The following NELL2 variants were observed in gnomAD, a reference collection of about 807,000 sequenced individuals.
NELL2 encodes the protein neural EGFL like 2.
A neutral mutation model predicts 109.6 loss-of-function variants in NELL2; 41 were observed. The ratio of observed to expected loss-of-function variants is 0.37; its 90% CI spans 0.29 to 0.49. The LOEUF (loss-of-function observed/expected upper bound fraction) is 0.49. NELL2 is among the 20% of genes least tolerant of loss of function. The probability of loss-of-function intolerance (pLI) is 0.98; values close to 1 mark genes in which losing one functional copy is unlikely to be tolerated. For synonymous variants in NELL2, 355 were observed against 344.7 expected, an observed-to-expected ratio of 1.03 and a Z score of -0.33; for missense variants, 900 against 1,008.3, an observed-to-expected ratio of 0.89 and a Z score of 1.45.
intron 1 of NELL2, among the ~76,000 whole-genome samples, chr12:44,910,840 T>C (rs386425): frequency 0.024 from 3,690 of 151,988 alleles, 162 homozygotes; most frequent in African/African-American, 0.084. Flanking sequence ...TAATCCTTTT[T>C]TCTTTAAAAA....
At chr12:44,910,791 C>A (rs1303677287) in intron 1 of NELL2, among the ~76,000 whole-genome samples, 2 of 151,824 alleles carry the variant, frequency 1.3e-5, no homozygotes, top group Non-Finnish European at 2.9e-5. Flanking sequence ...AAGAACAAGA[C>A]CATGTTCTTC....
At chr12:44,859,769 G>A (rs914494829) in intron 2 of NELL2, among the ~76,000 whole-genome samples, 2 of 152,192 alleles carry the variant, frequency 1.3e-5, no homozygotes, top group Admixed American at 6.5e-5. Context: ...CATTTCAGCT[G>A]TTACCCAGAG....
At chr12:44,632,641 A>T (rs1438318420) in intron 13 of NELL2, among the ~76,000 whole-genome samples, 1 of 152,096 alleles carries the variant, frequency 6.6e-6, no homozygotes, top group Non-Finnish European at 1.5e-5. Context: ...GCCAAAAAAA[A>T]TCAGATTAAT....
chr12:44,767,471 C>T (rs1047276767), intron 9 of NELL2, among the ~76,000 whole-genome samples: 1 of 152,090 alleles, frequency 6.6e-6, no homozygotes, highest in Non-Finnish European at 1.5e-5. Context: ...TTGGCAAAAG[C>T]TGGCAATATT....
In NELL2 at chr12:44,590,473, C is replaced by A. The variant is rs11182547; in HGVS notation, c.1663+16696G>T. Among the ~76,000 whole-genome samples the A allele has an allele frequency of 1.1e-3, 175 of 152,192 alleles. 2 individuals are homozygous for A. In the East Asian group the frequency reaches 0.029, roughly 25 times the overall value. Reference sequence around the variant, plus strand: ...TCCTGCTGAAGGTAATAAATGCTTACGTTTTCAACAGATTTTTTAAAGCAG... The same window carrying A: ...TCCTGCTGAAGGTAATAAATGCTTAAGTTTTCAACAGATTTTTTAAAGCAG... On this transcript the variant is annotated intron_variant, in intron 15 of 19. Transcript: ENST00000429094.
At chr12:44,664,339 C>T (rs1947850565) in intron 13 of NELL2, among the ~76,000 whole-genome samples, 1 of 152,056 alleles carries the variant, frequency 6.6e-6, no homozygotes, top group African/African-American at 2.4e-5. Flanking sequence ...CTTCTACCTC[C>T]AGGATATCTT....
chr12:44,605,179 TG>T (rs1945354201), intron 15 of NELL2, among the ~76,000 whole-genome samples: 1 of 152,158 alleles, frequency 6.6e-6, no homozygotes, highest in Admixed American at 6.6e-5. Flanking sequence ...GATAAAAGCC[TG>T]GATTTGGGAG....
intron 9 of NELL2, among the ~76,000 whole-genome samples, chr12:44,750,469 CA>C (rs780713601): frequency 6.6e-6 from 1 of 151,988 alleles, no homozygotes; most frequent in Non-Finnish European, 1.5e-5. Flanking sequence ...TTATGTAAAG[CA>C]AGCAAAATGA....
chr12:44,540,795 A>AAAAAAAAAAAAAAAAAAAAAC (rs1942522693), intron 15 of NELL2, among the ~76,000 whole-genome samples: 3 of 150,268 alleles, frequency 2.0e-5, no homozygotes, highest in Non-Finnish European at 4.4e-5. Context: ...AAAAAAAAAA[A>AAAAAAAAAAAAAAAAAAAAAC]AAAGCCCATC....
intron 2 of NELL2, among the ~76,000 whole-genome samples, chr12:44,857,259 A>G (rs1166616473): frequency 6.6e-6 from 1 of 152,206 alleles, no homozygotes. Context: ...TTTTCCCTAG[A>G]GAACCTACAT....
chr12:44,693,881 T>G (rs912104419), intron 12 of NELL2, among the ~76,000 whole-genome samples: 1 of 152,144 alleles, frequency 6.6e-6, no homozygotes, highest in African/African-American at 2.4e-5. Flanking sequence ...TACACAGATG[T>G]TCCTCAAAGC....
chr12:44,918,324 C>G (rs1945843721), upstream of NELL2, among the ~76,000 whole-genome samples: 1 of 152,208 alleles, frequency 6.6e-6, no homozygotes, highest in South Asian at 2.1e-4. Flanking sequence ...ATGATCCTCT[C>G]TTTAACCATC....
Position 44,617,555 on chromosome 12 carries a change from A to G in NELL2, c.1445-6585T>C, listed in dbSNP as rs544093954. ...ACACACAAAAAAATTAGCCGGGCGT[A>G]GTGGCGGGCGCCTGTAGTCCCAGCT... On this transcript the variant is annotated intron_variant, in intron 13 of 19. Coordinates refer to ENST00000429094, the MANE Select transcript of NELL2 (RefSeq NM_001145108.2). 8.3e-3 allele frequency among the ~76,000 whole-genome samples: 1,121 copies of G among 134,636 alleles called. 264 individuals are homozygous for G. Among genetic ancestry groups the G allele is most frequent in the African/African-American group, 0.036 (1,061 of 29,670 alleles). 88.3% of individuals were successfully genotyped at this position (134,636 alleles called of 152,430 possible).
chr12:44,821,963 A>G (rs1284500303), intron 2 of NELL2, among the ~76,000 whole-genome samples: 2 of 151,404 alleles, frequency 1.3e-5, no homozygotes, highest in Non-Finnish European at 2.9e-5. Flanking sequence ...CAGTGGTTTC[A>G]CCATGTTGGC....
chr12:44,744,258 C>A (rs1017342312), intron 9 of NELL2, among the ~76,000 whole-genome samples: 6 of 152,006 alleles, frequency 3.9e-5, no homozygotes, highest in African/African-American at 7.2e-5. Context: ...CCAACGAGAA[C>A]AAAGACACAA....
intron 15 of NELL2, among the ~76,000 whole-genome samples, chr12:44,595,593 A>ATTTTTTT (rs57566164): frequency 1.6e-5 from 2 of 121,324 alleles, no homozygotes; most frequent in Non-Finnish European, 1.7e-5. Context: ...CACCCAGCTA[A>ATTTTTTT]TTTTTTTTTT....
chr12:44,677,153 C>G (rs187997085), intron 12 of NELL2, among the ~76,000 whole-genome samples: 1 of 151,880 alleles, frequency 6.6e-6, no homozygotes, highest in Non-Finnish European at 1.5e-5. Context: ...AGACTATATG[C>G]GAAGAATGTT....
At chr12:44,852,866 C>A (rs765255833) in intron 2 of NELL2, among the ~76,000 whole-genome samples, 7 of 152,166 alleles carry the variant, frequency 4.6e-5, no homozygotes, top group Non-Finnish European at 8.8e-5. Context: ...AAAAATTGAA[C>A]CCACAGCAGC....
chr12:44,521,927 G>A, intron 18 of NELL2, 73 bp downstream of exon 18: 7 of 1,478,622 alleles, frequency 4.7e-6, no homozygotes, highest in Non-Finnish European at 6.5e-6. Context: ...TTGGCAGATG[G>A]GGAGGACGAG....
Sources: gnomAD v4.1 joint callset for allele counts (sites outside exome capture counted in the v4.1 genomes callset) on GRCh38, gnomAD v4.1.1 for gene constraint, MANE v1.5 for transcripts, NCBI Gene and HGNC (gene_info 2026-07-23, HGNC 2026-07-21) for gene names.